The following UNKL variants were observed in gnomAD, a reference collection of about 807,000 sequenced individuals.
UNKL encodes unk like zinc finger.
UNKL carries 60 observed loss-of-function variants against 78.0 expected under a neutral mutation model. That is an observed-to-expected ratio of 0.77 (90% CI 0.63 to 0.95). The LOEUF (loss-of-function observed/expected upper bound fraction) is 0.95, where lower values mean the gene tolerates loss of function less well. Among genes scored for constraint, UNKL ranks in the 40% least tolerant of loss-of-function variants. The pLI is 0.00. For synonymous variants in UNKL, 608 were observed against 474.8 expected (o/e 1.28, Z -3.65); for missense variants, 1,159 against 1,045.7 (o/e 1.11, Z -1.49).
chr16:1,393,520 G>A (rs927810261), intron 7 of UNKL, among the ~76,000 whole-genome samples: 9 of 152,178 alleles, frequency 5.9e-5, no homozygotes, highest in Admixed American at 5.2e-4. Context: ...CGTGGAGGAG[G>A]CCGCGTGGGT....
At chr16:1,409,989 A>G (rs1274859386) in intron 2 of UNKL, among the ~76,000 whole-genome samples, 5 of 152,108 alleles carry the variant, frequency 3.3e-5, no homozygotes, top group South Asian at 2.1e-4. Flanking sequence ...CTGAGGTACA[A>G]TAATTGCTTG....
intron 11 of UNKL, among the ~76,000 whole-genome samples, chr16:1,370,943 C>T (rs1394754484): frequency 3.3e-5 from 5 of 152,048 alleles, no homozygotes; most frequent in Non-Finnish European, 7.4e-5. Context: ...ATTAGCTGGG[C>T]GTGGTGGCGG....
chr16:1,383,913 G>A, intron 10 of UNKL: 1 of 353,386 alleles, frequency 2.8e-6, no homozygotes, highest in South Asian at 2.0e-5. Context: ...ATGTAGGAGA[G>A]GAAGGGGTGG....
intron 8 of UNKL, 121 bp downstream of exon 8, chr16:1,392,770 G>T: frequency 8.4e-7 from 1 of 1,185,226 alleles, no homozygotes; most frequent in Non-Finnish European, 1.2e-6. Context: ...TTCTAGAAGA[G>T]CCACGAACTC....
intron 2 of UNKL, among the ~76,000 whole-genome samples, chr16:1,409,468 AT>A (rs2037936928): frequency 6.6e-6 from 1 of 152,206 alleles, no homozygotes; most frequent in African/African-American, 2.4e-5. Flanking sequence ...GAAGCAAGTC[AT>A]TCACACGCTA....
chr16:1,391,259 C>CACAA (rs1232597844), intron 8 of UNKL, among the ~76,000 whole-genome samples: 8 of 2,588 alleles, frequency 3.1e-3, no homozygotes, highest in African/African-American at 8.5e-3. Context: ...CACACACACA[C>CACAA]ACACACACAC....
At position 1,364,111 on chromosome 16, in the gene UNKL, C is replaced by T. The variant is rs951234534; in HGVS notation, c.*2129G>A. The T allele has an allele frequency of 3.9e-5, 6 of 152,320 alleles. No individual in the cohort carries two copies. Among genetic ancestry groups the T allele is most frequent in the Middle Eastern group, 3.4e-3 (1 of 294 alleles). The allele number at this position is 152,320 out of a possible 1,614,324, so 9.4% of individuals were successfully genotyped here. On this transcript the variant is annotated 3_prime_UTR_variant, in exon 15 of 15. Transcript: ENST00000389221. Reference sequence around the variant, plus strand: ...ACAAATAAAAACAGAGTTTACACATCGATGACAGTAGCACAAAATATACGT... The same window carrying T: ...ACAAATAAAAACAGAGTTTACACATTGATGACAGTAGCACAAAATATACGT...
intron 10 of UNKL, among the ~76,000 whole-genome samples, chr16:1,382,316 G>C (rs957231837): frequency 6.6e-6 from 1 of 152,230 alleles, no homozygotes; most frequent in Non-Finnish European, 1.5e-5. Flanking sequence ...GCCGGAGGGC[G>C]GAAGTTTGAG....
chr16:1,393,004 T>C, intron 7 of UNKL, 28 bp from the exon 8 acceptor site: 1 of 1,548,590 alleles, frequency 6.5e-7, no homozygotes, highest in Non-Finnish European at 8.7e-7. Flanking sequence ...CAGCAGACTC[T>C]GAGGGCCGCT....
At chr16:1,379,688 G>A (rs2036515717) in intron 10 of UNKL, 3 of 984,282 alleles carry the variant, frequency 3.0e-6, no homozygotes, top group Non-Finnish European at 3.6e-6. Flanking sequence ...TTCAAACCCG[G>A]CCCGCGCCCC....
rs528685717 is a variant in UNKL at position 1,392,825 on chromosome 16, A to G, written c.1023+66T>C. 3.9e-6 allele frequency: 6 copies of G among 1,519,890 alleles called. No homozygotes were observed. In the Admixed American group the frequency reaches 5.9e-5, roughly 15 times the overall value. 94.2% of individuals were successfully genotyped at this position (1,519,890 alleles called of 1,614,324 possible). A position where few individuals can be genotyped will look rare whatever the true frequency, so the allele number is the denominator to read the frequency against. On this transcript the variant is annotated intron_variant, in intron 8 of 14. Transcript: ENST00000389221. ...CATTGCTGAAAACTCATATCCATCC[A>G]CATCCCTAAGAGTTCAATTAAACCA... is the stretch of plus-strand genomic sequence containing the variant.
intron 10 of UNKL, among the ~76,000 whole-genome samples, chr16:1,372,441 T>TCC (rs2035935108): frequency 6.6e-6 from 1 of 151,970 alleles, no homozygotes; most frequent in Admixed American, 6.6e-5. Flanking sequence ...TCCAAGGCTG[T>TCC]CCCCACACAT....
Position 1,413,834 on chromosome 16 carries a change from G to C in UNKL, c.287+12C>G. ...TCCGCCCAGGCAGCGGCGCCCCCTC[G>C]CGGCCGCTTACTCGTCGCCGTCGGG... On this transcript the variant is annotated intron_variant, in intron 2 of 14. Coordinates refer to ENST00000389221, the MANE Select transcript of UNKL (RefSeq NM_001372107.1). 5 of 1,511,654 alleles carry C rather than the reference G, an allele frequency of 3.3e-6. No homozygotes were observed. The highest frequency in any genetic ancestry group is 1.2e-5 in the South Asian group (1 of 80,780). The allele number at this position is 1,511,654 out of a possible 1,614,324, so 93.6% of individuals were successfully genotyped here. A position where few individuals can be genotyped will look rare whatever the true frequency, so the allele number is the denominator to read the frequency against.
chr16:1,370,554 C>A (rs1174514135), intron 11 of UNKL, among the ~76,000 whole-genome samples, 197 bp from the exon 12 acceptor site: 2 of 152,200 alleles, frequency 1.3e-5, no homozygotes, highest in African/African-American at 4.8e-5. Context: ...ATGTCCAACA[C>A]AGCTGGGCAA....
intron 12 of UNKL, 98 bp downstream of exon 12, chr16:1,370,032 C>A (rs959164863): frequency 1.2e-5 from 18 of 1,551,162 alleles, no homozygotes; most frequent in Non-Finnish European, 1.6e-5. Flanking sequence ...AGATAGGGCA[C>A]AAGGTTCCGT....
Position 1,370,273 on chromosome 16 carries a change from G to A in UNKL, c.1442C>T (p.Ala481Val), listed in dbSNP as rs568053065. The A allele has an allele frequency of 1.3e-4, 206 of 1,534,236 alleles. 3 individuals are homozygous for A. In the African/African-American group the frequency reaches 2.1e-3, roughly 15 times the overall value. Reference protein sequence around the residue: ...RAPSLHSPSSASTSPLGSLSQ... With the variant: ...RAPSLHSPSSVSTSPLGSLSQ... The stretch of plus-strand genomic sequence containing the variant: ...CAGCGAACCGAGCGGCGAGGTGGAC[G>A]CAGAGGATGGCGAGTGTAGCGATGG... Residue 481 changes from alanine (A) to valine (V), a missense_variant, in exon 12 of 15, where the codon GCG becomes GTG. Ala to Val is a moderately conservative substitution (Grantham distance 64). Coordinates refer to ENST00000389221, the MANE Select transcript of UNKL (RefSeq NM_001372107.1).
chr16:1,411,652 C>T (rs1051585983), intron 2 of UNKL, among the ~76,000 whole-genome samples: 2 of 152,086 alleles, frequency 1.3e-5, no homozygotes, highest in Non-Finnish European at 2.9e-5. Context: ...TGTAGAAATC[C>T]CGTCTCTACT....
At chr16:1,370,809 C>T (rs558430142) in intron 11 of UNKL, among the ~76,000 whole-genome samples, 19 of 152,180 alleles carry the variant, frequency 1.2e-4, no homozygotes, top group African/African-American at 3.9e-4. Flanking sequence ...TGGGGCCGGG[C>T]GCACTGGCTC....
In UNKL at chr16:1,386,477, C is replaced by A. The variant is rs112019134; in HGVS notation, c.1087-1092G>T. On this transcript the variant is annotated intron_variant, in intron 9 of 14. Transcript: ENST00000389221. ...GCTGAGGTAGGAGAATTGCTTGAAT[C>A]CGGGAGGCAGTGGTTGTGGTGAGCC... is the stretch of plus-strand genomic sequence containing the variant. Among the ~76,000 whole-genome samples the A allele has an allele frequency of 5.9e-3, 895 of 152,208 alleles. 10 individuals carry two copies. The highest frequency in any genetic ancestry group is 0.021 in the African/African-American group (860 of 41,534).
Sources: gnomAD v4.1 joint callset for allele counts (sites outside exome capture counted in the v4.1 genomes callset) on GRCh38, gnomAD v4.1.1 for gene constraint, MANE v1.5 for transcripts, NCBI Gene and HGNC (gene_info 2026-07-23, HGNC 2026-07-21) for gene names.